ZSCAN22: variants seen among roughly 807,000 people sequenced by gnomAD.
ZSCAN22 encodes the protein zinc finger and SCAN domain-containing protein 22.
Under a neutral mutation model 12.4 loss-of-function variants are expected in ZSCAN22, and 7 were observed. The observed-to-expected ratio is 0.57, with a 90% CI of 0.32 to 1.06. The LOEUF (loss-of-function observed/expected upper bound fraction) is 1.06, where lower values mean the gene tolerates loss of function less well. ZSCAN22 is among the 50% of genes least tolerant of loss of function. The probability of loss-of-function intolerance (pLI) is 0.04; values close to 1 mark genes in which losing one functional copy is unlikely to be tolerated. For missense variants in ZSCAN22, 576 were observed against 631.7 expected (o/e 0.91, Z 0.94); for synonymous variants, 243 against 255.9 (o/e 0.95, Z 0.48).
At position 58,339,215 on chromosome 19, in the gene ZSCAN22, G is replaced by C. The variant is rs2051841170; in HGVS notation, c.1365G>C (p.Gln455His). The C allele has an allele frequency of 1.2e-6, 2 of 1,614,070 alleles. No individual in the cohort carries two copies. The highest frequency in any genetic ancestry group is 1.3e-5 in the African/African-American group (1 of 75,002). The part of the protein sequence containing the change: ...FAQSSSLIEH[Q>H]RIHTGEKPYK... Reference sequence around the variant, plus strand: ...AGAGCTCCTCCCTCATTGAGCACCAGAGGATCCACACGGGAGAGAAGCCTT... The same window carrying C: ...AGAGCTCCTCCCTCATTGAGCACCACAGGATCCACACGGGAGAGAAGCCTT... Residue 455 changes from glutamine to histidine, a missense_variant, in exon 3 of 3, where the codon CAG becomes CAC. Coordinates refer to ENST00000329665, the MANE Select transcript of ZSCAN22 (RefSeq NM_181846.3). This position sits in a 1 kb window ranked among gnomAD's most constrained non-coding sequence, Gnocchi z 5.6.
chr19:58,334,678 G>T (rs746212134), intron 1 of ZSCAN22, 74 bp from the exon 2 acceptor site: 4 of 1,129,128 alleles, frequency 3.5e-6, no homozygotes, highest in Non-Finnish European at 4.9e-6. Context: ...CCACAAGCCT[G>T]TGTTTTCCCT....
chr19:58,332,533 C>T (rs1025307916), intron 1 of ZSCAN22, among the ~76,000 whole-genome samples: 101 of 152,244 alleles, frequency 6.6e-4, no homozygotes, highest in African/African-American at 2.3e-3. Context: ...CCTCGGCCTC[C>T]CAAAGTGCTG....
In ZSCAN22 at chr19:58,338,125, C is replaced by T; in HGVS notation, c.404-129C>T. ...CCAAGACACCAAATGAGAAACTTCC[C>T]CTTGGAACTGGGGCCAGATGTTAGG... On this transcript the variant is annotated intron_variant, in intron 2 of 2. Coordinates refer to ENST00000329665, the MANE Select transcript of ZSCAN22 (RefSeq NM_181846.3). This position sits in a 1 kb window ranked among gnomAD's most constrained non-coding sequence, Gnocchi z 5.4. 1.2e-6 allele frequency: 1 copy of T among 818,678 alleles called. No individual in the cohort carries two copies. The highest frequency in any genetic ancestry group is 1.9e-6 in the Non-Finnish European group (1 of 533,262). The allele number at this position is 818,678 out of a possible 1,614,324, so 50.7% of individuals were successfully genotyped here.
Position 58,339,059 on chromosome 19 carries a change from C to T in ZSCAN22, c.1209C>T (p.Thr403=), listed in dbSNP as rs375096775. 1.0e-4 allele frequency: 164 copies of T among 1,613,884 alleles called. No individual in the cohort carries two copies. Among genetic ancestry groups the T allele is most frequent in the African/African-American group, 3.3e-4 (25 of 74,948 alleles). The change falls in exon 3 of 3, where the codon ACC becomes ACT. Residue 403 remains threonine (T), a synonymous_variant. Coordinates refer to ENST00000329665, the MANE Select transcript of ZSCAN22 (RefSeq NM_181846.3). This position sits in a 1 kb window ranked among gnomAD's most constrained non-coding sequence, Gnocchi z 5.6. ...TGACTCAACACCAGCGCATCCACAC[C>T]GGGGAGAAGCCCTACAAGTGTGACG... ...THLTQHQRIH[T]GEKPYKCDAC... is the part of the protein sequence containing the mutation.
chr19:58,337,846 T>C (rs1479920522), intron 2 of ZSCAN22, among the ~76,000 whole-genome samples: 269 of 122,202 alleles, frequency 2.2e-3, no homozygotes, highest in East Asian at 6.3e-3. Context: ...CGCAAGGTGT[T>C]GAGTGTGAGG....
intron 1 of ZSCAN22, among the ~76,000 whole-genome samples, chr19:58,330,269 G>A (rs554054735): frequency 2.6e-5 from 4 of 152,234 alleles, no homozygotes; most frequent in East Asian, 1.9e-4. Context: ...CAGCCTGGGC[G>A]ACAAAGCAAG....
At position 58,340,500 on chromosome 19, in the gene ZSCAN22, G is replaced by T. The variant is rs1367134376; in HGVS notation, c.*1174G>T. The T allele has an allele frequency of 6.6e-6, 1 of 150,724 alleles. No homozygotes were observed. Among genetic ancestry groups the T allele is most frequent in the Non-Finnish European group, 1.4e-5 (1 of 70,334 alleles). The allele number at this position is 150,724 out of a possible 1,614,324, so 9.3% of individuals were successfully genotyped here. On this transcript the variant is annotated 3_prime_UTR_variant, in exon 3 of 3. Coordinates refer to ENST00000329665, the MANE Select transcript of ZSCAN22 (RefSeq NM_181846.3). ...CTTTTCTTTTTTTTTTTTTGAGATG[G>T]AGTCTCGCTCTGTCGCCCAGGCTGG...
In ZSCAN22 at chr19:58,339,113, A is replaced by AGCCCTGATCC; in HGVS notation, c.1265_1274dup (p.His426ProfsTer17). The AGCCCTGATCC allele has an allele frequency of 6.2e-7, 1 of 1,614,270 alleles. No individual in the cohort carries two copies. Reference sequence around the variant, plus strand: ...GTGGCCGAGCCTTCAGCGACTGCTCAGCCCTGATCCGACATCTGAGAATCC... The same window carrying AGCCCTGATCC: ...GTGGCCGAGCCTTCAGCGACTGCTCAGCCCTGATCCGCCCTGATCCGACATCTGAGAATCC... On this transcript the variant is annotated frameshift_variant, in exon 3 of 3. Coordinates refer to ENST00000329665, the MANE Select transcript of ZSCAN22 (RefSeq NM_181846.3). LOFTEE classifies it low-confidence loss of function (END_TRUNC). This position sits in a 1 kb window ranked among gnomAD's most constrained non-coding sequence, Gnocchi z 5.6.
In ZSCAN22 at chr19:58,329,367, C is replaced by A. The variant is rs575175211; in HGVS notation, c.-52+2253C>A. 1.7e-4 allele frequency among the ~76,000 whole-genome samples: 26 copies of A among 152,316 alleles called. No individual in the cohort carries two copies. Among genetic ancestry groups the A allele is most frequent in the Non-Finnish European group, 3.2e-4 (22 of 68,020 alleles). ...ACTCCAGGCACACTGAGCGTCCTGG[C>A]TGACATTGAAGGAAAGGAAAAAGAA... is the stretch of plus-strand genomic sequence containing the variant. On this transcript the variant is annotated intron_variant, in intron 1 of 2. Transcript: ENST00000329665. This position sits in a 1 kb window ranked among gnomAD's most constrained non-coding sequence, Gnocchi z 4.1.
chr19:58,333,193 T>G (rs2147985047), intron 1 of ZSCAN22, among the ~76,000 whole-genome samples: 1 of 152,376 alleles, frequency 6.6e-6, no homozygotes, highest in Admixed American at 6.5e-5. Flanking sequence ...ATCAAATATA[T>G]GATTTGCAAA....
At position 58,338,791 on chromosome 19, in the gene ZSCAN22, A is replaced by G; in HGVS notation, c.941A>G (p.His314Arg). The part of the protein sequence containing the change: ...AFSRSTHLAQ[H>R]QVVHTGAKPH... ...AGCCGGAGCACTCACCTCGCCCAGC[A>G]CCAGGTTGTCCACACAGGGGCGAAG... The change falls in exon 3 of 3, where the codon CAC becomes CGC. Residue 314 changes from histidine to arginine, a missense_variant. His to Arg is a conservative substitution (Grantham distance 29). Coordinates refer to ENST00000329665, the MANE Select transcript of ZSCAN22 (RefSeq NM_181846.3). The surrounding 1 kb of genome is among the most constrained non-coding windows in gnomAD (Gnocchi z 5.4). 1 of 1,614,204 alleles carries G rather than the reference A, an allele frequency of 6.2e-7. No homozygotes were observed. The highest frequency in any genetic ancestry group is 8.5e-7 in the Non-Finnish European group (1 of 1,180,020).
intron 1 of ZSCAN22, among the ~76,000 whole-genome samples, chr19:58,333,822 G>A (rs746157149): frequency 4.6e-5 from 7 of 152,174 alleles, no homozygotes; most frequent in Admixed American, 2.0e-4. Context: ...CAGCCTGGGC[G>A]ACAGAGGGAG....
rs1197205350 is a variant in ZSCAN22 at position 58,339,012 on chromosome 19, G to A, written c.1162G>A (p.Ala388Thr). Residue 388 changes from alanine to threonine, a missense_variant, in exon 3 of 3, where the codon GCC (alanine) becomes ACC (threonine). Ala to Thr is a moderately conservative substitution (Grantham distance 58, BLOSUM62 0). Transcript: ENST00000329665. This position sits in a 1 kb window ranked among gnomAD's most constrained non-coding sequence, Gnocchi z 5.6. ...RPYECDACGK[A>T]FSQSTHLTQH... ...CTACGAGTGTGACGCGTGTGGGAAA[G>A]CCTTCAGCCAGAGCACGCACCTGAC... 1 of 1,612,774 alleles carries A rather than the reference G, an allele frequency of 6.2e-7. No homozygotes were observed.
intron 1 of ZSCAN22, among the ~76,000 whole-genome samples, chr19:58,331,551 A>G (rs1448082284): frequency 7.7e-6 from 1 of 129,308 alleles, no homozygotes; most frequent in East Asian, 2.2e-4. Context: ...TATTATTATT[A>G]TTATTATTAT....
In ZSCAN22 at chr19:58,338,731, C is replaced by A; in HGVS notation, c.881C>A (p.Thr294Asn). 5 of 1,614,228 alleles carry A rather than the reference C, an allele frequency of 3.1e-6. No homozygotes were observed. The Middle Eastern group carries it at 4.9e-4, about 160-fold the overall frequency. Residue 294 changes from threonine (T) to asparagine (N), a missense_variant, in exon 3 of 3, where the codon ACC becomes AAC. By Grantham distance (65) the Thr-to-Asn change is moderately conservative (BLOSUM62 0). Coordinates refer to ENST00000329665, the MANE Select transcript of ZSCAN22 (RefSeq NM_181846.3). This position sits in a 1 kb window ranked among gnomAD's most constrained non-coding sequence, Gnocchi z 5.4. The part of the protein sequence containing the change: ...EAHQKTHSRK[T>N]PYACSECGKA... The stretch of plus-strand genomic sequence containing the variant: ...CACCAGAAGACCCATTCTCGGAAGA[C>A]CCCATATGCCTGCAGCGAGTGTGGG...
Position 58,335,383 on chromosome 19 carries a change from G to A in ZSCAN22, c.403+178G>A, listed in dbSNP as rs1426910620. On this transcript the variant is annotated intron_variant, in intron 2 of 2. Coordinates refer to ENST00000329665, the MANE Select transcript of ZSCAN22 (RefSeq NM_181846.3). The surrounding 1 kb of genome is among the most constrained non-coding windows in gnomAD (Gnocchi z 4.1). ...GTTTTGGTTGCAGGTGACCAAAAGC[G>A]AGCTGAAATGGGCTGAAGCAAAGAA... is the stretch of plus-strand genomic sequence containing the variant. Among the ~76,000 whole-genome samples the A allele has an allele frequency of 1.3e-5, 2 of 152,188 alleles. No individual in the cohort carries two copies. The highest frequency in any genetic ancestry group is 2.4e-5 in the African/African-American group (1 of 41,440).
rs772831580 is a variant in ZSCAN22 at position 58,329,105 on chromosome 19, C to T, written c.-52+1991C>T. Among the ~76,000 whole-genome samples, 3 of 152,124 alleles carry T rather than the reference C, an allele frequency of 2.0e-5. No homozygotes were observed. Among genetic ancestry groups the T allele is most frequent in the Admixed American group, 1.3e-4 (2 of 15,276 alleles). ...AGAGACGGATTTCAGAACTCGAGAG[C>T]AGCAGGGGCGACAAGGGGCTTAGAA... is the stretch of plus-strand genomic sequence containing the variant. On this transcript the variant is annotated intron_variant, in intron 1 of 2. Transcript: ENST00000329665. The surrounding 1 kb of genome is among the most constrained non-coding windows in gnomAD (Gnocchi z 4.1).
intron 1 of ZSCAN22, among the ~76,000 whole-genome samples, chr19:58,328,313 C>T (rs2147980113): frequency 6.6e-6 from 1 of 152,290 alleles, no homozygotes; most frequent in East Asian, 1.9e-4. Flanking sequence ...GATCCACAAA[C>T]AGTTTACCAA....
intron 1 of ZSCAN22, 126 bp from the exon 2 acceptor site, chr19:58,334,626 G>C (rs2051768395): frequency 1.4e-6 from 1 of 695,752 alleles, no homozygotes; most frequent in Non-Finnish European, 2.3e-6. Flanking sequence ...CTAATTATGA[G>C]GATTGTCTAT....
Sources: allele counts gnomAD v4.1 joint callset (sites outside exome capture counted in the v4.1 genomes callset), GRCh38; gene constraint gnomAD v4.1.1; non-coding constraint Gnocchi (gnomAD v3.1); transcripts MANE v1.5; gene names NCBI Gene and HGNC (gene_info 2026-07-23, HGNC 2026-07-21).